Variants in XPNPEP2 observed in about 807,000 individuals in gnomAD.
The protein encoded by XPNPEP2 is X-prolyl aminopeptidase 2.
A neutral mutation model predicts 59.8 loss-of-function variants in XPNPEP2; 64 were observed. That is an observed-to-expected ratio of 1.07 (90% CI 0.87 to 1.32). The LOEUF (loss-of-function observed/expected upper bound fraction) is 1.32, where lower values mean the gene tolerates loss of function less well. Among genes scored for constraint, XPNPEP2 ranks in the 40% most tolerant of loss-of-function variants. The pLI is 0.00. For synonymous variants in XPNPEP2, 235 were observed against 210.0 expected (o/e 1.12, Z -1.03); for missense variants, 575 against 546.8 (o/e 1.05, Z -0.51).
chrX:129,759,697 C>T (rs918613228), intron 15 of XPNPEP2, among the ~76,000 whole-genome samples: 1 of 112,765 alleles, frequency 8.9e-6, no homozygotes, highest in South Asian at 3.6e-4. Context: ...AGCGAGCTGC[C>T]GTCATGCTGC....
intron 6 of XPNPEP2, among the ~76,000 whole-genome samples, chrX:129,747,320 C>T (rs1217633699): frequency 8.9e-6 from 1 of 112,833 alleles, no homozygotes; most frequent in Non-Finnish European, 1.9e-5. Flanking sequence ...AGAGAAGGAC[C>T]ACCCACAGCC....
At chrX:129,760,835 G>A (rs1926642807) in intron 16 of XPNPEP2, among the ~76,000 whole-genome samples, 1 of 112,140 alleles carries the variant, frequency 8.9e-6, no homozygotes, top group African/African-American at 3.2e-5. Context: ...GAGATCAGTG[G>A]GCCACAGCAA....
chrX:129,751,090 A>ACCC (rs1926383044), intron 8 of XPNPEP2, among the ~76,000 whole-genome samples: 1 of 69,768 alleles, frequency 1.4e-5, no homozygotes, highest in African/African-American at 5.3e-5. Context: ...CATCTCAAAG[A>ACCC]CGCCCACTCC....
intron 6 of XPNPEP2, among the ~76,000 whole-genome samples, chrX:129,747,304 T>G (rs1445322817): frequency 8.9e-6 from 1 of 112,683 alleles, no homozygotes; most frequent in East Asian, 2.8e-4. Flanking sequence ...AAATAATTAG[T>G]GCCCAAGAGA....
At chrX:129,758,395 A>G (rs944031131) in intron 14 of XPNPEP2, among the ~76,000 whole-genome samples, 2 of 110,898 alleles carry the variant, frequency 1.8e-5, no homozygotes, top group African/African-American at 6.6e-5. Flanking sequence ...GAAGAAGGTC[A>G]CCACACCCCA....
In XPNPEP2 at chrX:129,768,466, T is replaced by A. The variant is rs1206471055; in HGVS notation, c.2006T>A (p.Ile669Asn). The A allele has an allele frequency of 2.5e-6, 3 of 1,182,729 alleles. No homozygotes were observed. In the African/African-American group the frequency reaches 5.4e-5, roughly 21 times the overall value. Reference protein sequence around the residue: ...ASVLVVSTLAILGWSV With the variant: ...ASVLVVSTLANLGWSV ...GTGTTAGTGGTCTCCACCCTTGCCA[T>A]CCTTGGCTGGAGTGTCTAGAGGCTC... Residue 669 changes from isoleucine (I) to asparagine (N), a missense_variant, in exon 21 of 21, where the codon ATC becomes AAC. By Grantham distance (149) the Ile-to-Asn change is moderately radical. Transcript: ENST00000371106.
Position 129,768,671 on chromosome X carries a change from G to A in XPNPEP2, c.*186G>A, listed in dbSNP as rs1926799099. The A allele has an allele frequency of 2.7e-6, 1 of 370,785 alleles. No homozygotes were observed. Among genetic ancestry groups the A allele is most frequent in the Non-Finnish European group, 4.4e-6 (1 of 225,716 alleles). 30.6% of individuals were successfully genotyped at this position (370,785 alleles called of 1,213,427 possible). A position where few individuals can be genotyped will look rare whatever the true frequency, so the allele number is the denominator to read the frequency against. Reference sequence around the variant, plus strand: ...GGCCCCAGGAACACAGGGCTTCTTGGCCCCAGATGGCACCTCCCTGCACCC... The same window carrying A: ...GGCCCCAGGAACACAGGGCTTCTTGACCCCAGATGGCACCTCCCTGCACCC... On this transcript the variant is annotated 3_prime_UTR_variant, in exon 21 of 21. Coordinates refer to ENST00000371106, the MANE Select transcript of XPNPEP2 (RefSeq NM_003399.6).
intron 14 of XPNPEP2, 93 bp downstream of exon 14, chrX:129,756,648 C>T (rs974314848): frequency 1.1e-5 from 10 of 916,388 alleles, no homozygotes; most frequent in African/African-American, 9.9e-5. Flanking sequence ...TCCTGGGCCA[C>T]GGATTCTTCG....
Position 129,750,585 on chromosome X carries a change from C to A in XPNPEP2, c.739+16C>A, listed in dbSNP as rs765865284. ...GAGACGGCCTGTGAGTGTGGATTTG[C>A]AGACATGGGTGGGCGCCTGGGTCTC... is the stretch of plus-strand genomic sequence containing the variant. On this transcript the variant is annotated intron_variant, in intron 8 of 20. Transcript: ENST00000371106. 1.7e-4 allele frequency: 201 copies of A among 1,160,633 alleles called. No homozygotes were observed. The highest frequency in any genetic ancestry group is 2.2e-4 in the Non-Finnish European group (191 of 867,445).
In XPNPEP2 at chrX:129,751,926, C is replaced by T. The variant is rs945235764; in HGVS notation, c.821+100C>T. The T allele has an allele frequency of 1.4e-5, 13 of 927,350 alleles. No individual in the cohort carries two copies. The South Asian group carries it at 1.6e-4, about 12-fold the overall frequency. The allele number at this position is 927,350 out of a possible 1,213,427, so 76.4% of individuals were successfully genotyped here. ...GCCTTAATATACAGCCCTCTGGCTG[C>T]CCATCAGCTCGGCGCCTGCTGCAGC... On this transcript the variant is annotated intron_variant, in intron 9 of 20. Transcript: ENST00000371106.
chrX:129,739,578 C>G (rs747428423), intron 1 of XPNPEP2, among the ~76,000 whole-genome samples: 7 of 112,479 alleles, frequency 6.2e-5, no homozygotes, highest in African/African-American at 2.3e-4. Context: ...ACAGAAAAGA[C>G]TTCCAGGGAT....
Position 129,768,412 on chromosome X carries a change from G to A in XPNPEP2, c.1952G>A (p.Arg651Lys). 1 of 1,209,116 alleles carries A rather than the reference G, an allele frequency of 8.3e-7. No individual in the cohort carries two copies. Among genetic ancestry groups the A allele is most frequent in the Non-Finnish European group, 1.1e-6 (1 of 894,413 alleles). Residue 651 changes from arginine (R) to lysine (K), a missense_variant, in exon 21 of 21, where the codon AGG (arginine) becomes AAG (lysine). Transcript: ENST00000371106. Reference protein sequence around the residue: ...LQQHTEPLAARAPDTASWASV... With the variant: ...LQQHTEPLAAKAPDTASWASV... ...CAGCACACAGAGCCCCTGGCCGCCA[G>A]GGCCCCAGACACCGCCTCCTGGGCC...
intron 2 of XPNPEP2, 79 bp downstream of exon 2, chrX:129,742,260 C>T (rs1926205542): frequency 7.4e-6 from 4 of 540,230 alleles, no homozygotes; most frequent in South Asian, 3.2e-5. Flanking sequence ...ACCCCTGCAC[C>T]GCAGCACCCC....
At chrX:129,750,319 G>A (rs1248807969) in intron 7 of XPNPEP2, 149 bp from the exon 8 acceptor site, 1 of 418,901 alleles carries the variant, frequency 2.4e-6, no homozygotes, top group South Asian at 4.8e-5. Flanking sequence ...TGTCATTAAT[G>A]AGTACACAAG....
intron 2 of XPNPEP2, 55 bp downstream of exon 2, chrX:129,742,236 C>G: frequency 2.8e-6 from 2 of 705,847 alleles, no homozygotes; most frequent in Admixed American, 6.0e-5. Flanking sequence ...CACCCCCCCA[C>G]CCCTGCCCCA....
chrX:129,752,224 G>T lies in XPNPEP2; in HGVS notation c.896G>T (p.Cys299Phe), dbSNP rs1335711222. ...YLNSSCTGPM[C>F]VQIEDYSQVR... is the part of the protein sequence containing the mutation. ...AACTCCAGTTGCACAGGCCCCATGT[G>T]TGTGCAAATCGAGGATTACAGCCAA... is the stretch of plus-strand genomic sequence containing the variant. The change falls in exon 10 of 21, where the codon TGT becomes TTT. Residue 299 changes from cysteine (C) to phenylalanine (F), a missense_variant. Cys to Phe is a radical substitution (Grantham distance 205). Coordinates refer to ENST00000371106, the MANE Select transcript of XPNPEP2 (RefSeq NM_003399.6). 2 of 1,211,982 alleles carry T rather than the reference G, an allele frequency of 1.7e-6. No homozygotes were observed. Among genetic ancestry groups the T allele is most frequent in the Admixed American group, 2.2e-5 (1 of 46,064 alleles).
chrX:129,756,648 C>A (rs974314848), intron 14 of XPNPEP2, 93 bp downstream of exon 14: 1 of 916,385 alleles, frequency 1.1e-6, no homozygotes, highest in Non-Finnish European at 1.6e-6. Context: ...TCCTGGGCCA[C>A]GGATTCTTCG....
At chrX:129,743,625 GTC>G (rs1240977834) in intron 2 of XPNPEP2, among the ~76,000 whole-genome samples, 2 of 112,365 alleles carry the variant, frequency 1.8e-5, no homozygotes, top group African/African-American at 6.5e-5. Context: ...AAGAAGGACT[GTC>G]TGCATGGCCT....
Position 129,752,349 on chromosome X carries a change from G to C in XPNPEP2, c.1017+4G>C, listed in dbSNP as rs765454496. The C allele has an allele frequency of 2.5e-6, 3 of 1,207,188 alleles. No individual in the cohort carries two copies. Among genetic ancestry groups the C allele is most frequent in the Non-Finnish European group, 3.4e-6 (3 of 893,421 alleles). The stretch of plus-strand genomic sequence containing the variant: ...GATCTATGAAATGATACCCAAGGTG[G>C]GTTTGCCAGGCCCCAGCCCAAGCCA... On this transcript the variant is annotated splice_donor_region_variant and intron_variant, in intron 10 of 20. Transcript: ENST00000371106.
Sources: allele counts gnomAD v4.1 joint callset (sites outside exome capture counted in the v4.1 genomes callset), GRCh38; gene constraint gnomAD v4.1.1; transcripts MANE v1.5; gene names NCBI Gene and HGNC (gene_info 2026-07-23, HGNC 2026-07-21).